Variants in DPF3 observed in about 807,000 individuals in gnomAD.
DPF3 encodes the protein zinc finger protein DPF3.
A neutral mutation model predicts 56.8 loss-of-function variants in DPF3; 18 were observed. That is an observed-to-expected ratio of 0.32 (90% CI 0.22 to 0.47). DPF3 has a LOEUF of 0.47. Among genes scored for constraint, DPF3 ranks in the 20% least tolerant of loss-of-function variants. The pLI, the probability that DPF3 is intolerant of heterozygous loss-of-function variation, is 1.00. For missense variants in DPF3, 403 were observed against 488.8 expected (o/e 0.82, Z 1.65); for synonymous variants, 188 against 180.2 (o/e 1.04, Z -0.35).
At chr14:72,795,490 T>C (rs1358163763) in intron 1 of DPF3, among the ~76,000 whole-genome samples, 6 of 151,932 alleles carry the variant, frequency 3.9e-5, no homozygotes, top group African/African-American at 9.7e-5. Context: ...AAGAACAAAA[T>C]GCACGCAGAA....
At chr14:72,698,533 A>C (rs1374032661) in intron 6 of DPF3, among the ~76,000 whole-genome samples, 2 of 152,084 alleles carry the variant, frequency 1.3e-5, no homozygotes, top group African/African-American at 4.8e-5. Context: ...CAAAAAATAC[A>C]AAAATTAGCC....
At chr14:72,678,334 T>C (rs1887005357) in intron 7 of DPF3, among the ~76,000 whole-genome samples, 2 of 152,338 alleles carry the variant, frequency 1.3e-5, no homozygotes, top group South Asian at 4.1e-4. Flanking sequence ...CAATATGATA[T>C]TTACGAAGCC....
intron 7 of DPF3, among the ~76,000 whole-genome samples, chr14:72,689,826 T>C (rs1239426338): frequency 6.6e-6 from 1 of 151,964 alleles, no homozygotes; most frequent in African/African-American, 2.4e-5. Context: ...GAAAGGATGT[T>C]TTCTGCAGGC....
chr14:72,839,199 G>A (rs1244391027), intron 1 of DPF3, among the ~76,000 whole-genome samples: 1 of 151,876 alleles, frequency 6.6e-6, no homozygotes, highest in Non-Finnish European at 1.5e-5. Context: ...GGGATTACAG[G>A]TGTGAGCCAC....
At chr14:72,815,471 C>T (rs938857657) in intron 1 of DPF3, among the ~76,000 whole-genome samples, 1 of 152,164 alleles carries the variant, frequency 6.6e-6, no homozygotes, top group Non-Finnish European at 1.5e-5. Flanking sequence ...TCATTTCTCC[C>T]AGAGATTTGC....
At chr14:72,651,430 A>G (rs1885904829) in intron 8 of DPF3, among the ~76,000 whole-genome samples, 1 of 152,124 alleles carries the variant, frequency 6.6e-6, no homozygotes, top group Non-Finnish European at 1.5e-5. Context: ...TAGGAGGGAG[A>G]AGTTTCCAAA....
chr14:72,692,383 A>T (rs1184621388), intron 7 of DPF3, among the ~76,000 whole-genome samples: 1 of 152,210 alleles, frequency 6.6e-6, no homozygotes, highest in African/African-American at 2.4e-5. Context: ...AGGAAAGTCA[A>T]ATGGAAAATG....
At chr14:72,888,304 C>T (rs1567272026) in intron 1 of DPF3, among the ~76,000 whole-genome samples, 1 of 152,156 alleles carries the variant, frequency 6.6e-6, no homozygotes, top group African/African-American at 2.4e-5. Context: ...TCCCTCTGCC[C>T]CACCAACACC....
intron 1 of DPF3, among the ~76,000 whole-genome samples, chr14:72,864,673 G>A (rs1885591957): frequency 8.1e-6 from 1 of 123,098 alleles, no homozygotes. Flanking sequence ...GTAATTAGCG[G>A]ATGGATGGAT....
chr14:72,857,830 G>A (rs140542411), intron 1 of DPF3, among the ~76,000 whole-genome samples: 4,273 of 152,040 alleles, frequency 0.028, 157 homozygotes, highest in African/African-American at 0.087. Context: ...CCTGTGATCC[G>A]CCCACCTCAG....
At chr14:72,824,407 C>A (rs1724793508) in intron 1 of DPF3, among the ~76,000 whole-genome samples, 2 of 152,158 alleles carry the variant, frequency 1.3e-5, no homozygotes, top group Non-Finnish European at 1.5e-5. Flanking sequence ...CCTTTCCCCC[C>A]TTCTCCTCCC....
chr14:72,844,688 T>C (rs905664699), intron 1 of DPF3, among the ~76,000 whole-genome samples: 3 of 152,218 alleles, frequency 2.0e-5, no homozygotes, highest in Admixed American at 6.5e-5. Context: ...AAGAGGATGA[T>C]AGGCTCTACA....
chr14:72,731,707 GC>G, intron 4 of DPF3, 99 bp downstream of exon 4: 1 of 1,507,516 alleles, frequency 6.6e-7, no homozygotes, highest in Non-Finnish European at 9.0e-7. Flanking sequence ...CTGAGCCCCG[GC>G]CCTTGAGGGG....
At chr14:72,651,334 G>T (rs1184567237) in intron 8 of DPF3, among the ~76,000 whole-genome samples, 6 of 152,230 alleles carry the variant, frequency 3.9e-5, no homozygotes, top group Admixed American at 3.3e-4. Context: ...CTGCCTTCCG[G>T]AAGGATGAAT....
Position 72,851,208 on chromosome 14 carries a change from T to C in DPF3, c.32+42849A>G, listed in dbSNP as rs571623613. ...CGTCCCATTGGTGAGGTCAGAACTA[T>C]GTCCTCAATCCCTCATCAGCCTATC... On this transcript the variant is annotated intron_variant, in intron 1 of 10. Transcript: ENST00000556509. Among the ~76,000 whole-genome samples the C allele has an allele frequency of 2.2e-3, 338 of 152,302 alleles. 1 individual carries two copies. Among genetic ancestry groups the C allele is most frequent in the African/African-American group, 7.8e-3 (324 of 41,588 alleles).
chr14:72,632,659 G>A (rs1196975897), intron 8 of DPF3, among the ~76,000 whole-genome samples: 3 of 143,910 alleles, frequency 2.1e-5, no homozygotes, highest in African/African-American at 7.8e-5. Flanking sequence ...AGGAGGGAGG[G>A]AAGGAAAGAA....
intron 6 of DPF3, among the ~76,000 whole-genome samples, chr14:72,709,581 C>T (rs933920135): frequency 6.6e-5 from 10 of 152,040 alleles, no homozygotes; most frequent in African/African-American, 1.5e-4. Flanking sequence ...ATGCTTTTTC[C>T]GCAGCCTTCA....
At chr14:72,780,581 T>G (rs1891931031) in intron 1 of DPF3, among the ~76,000 whole-genome samples, 2 of 152,184 alleles carry the variant, frequency 1.3e-5, no homozygotes, top group East Asian at 3.9e-4. Flanking sequence ...GAGGTGAGCC[T>G]GAAGTTATCT....
chr14:72,764,759 G>A (rs902377538), intron 2 of DPF3, among the ~76,000 whole-genome samples: 2 of 152,078 alleles, frequency 1.3e-5, no homozygotes, highest in Non-Finnish European at 2.9e-5. Flanking sequence ...CCAAAGTGCT[G>A]GGATTACAGG....
Sources: gnomAD v4.1 joint callset for allele counts (sites outside exome capture counted in the v4.1 genomes callset) on GRCh38, gnomAD v4.1.1 for gene constraint, MANE v1.5 for transcripts, NCBI Gene and HGNC (gene_info 2026-07-23, HGNC 2026-07-21) for gene names.